MCF2L: variants seen among roughly 807,000 people sequenced by gnomAD.
MCF2L encodes the protein guanine nucleotide exchange factor DBS.
In MCF2L, 97 loss-of-function variants were observed where a neutral mutation model predicts 153.4. The observed-to-expected ratio is 0.63, with a 90% confidence interval of 0.54 to 0.75. MCF2L has a LOEUF of 0.75. Among genes scored for constraint, MCF2L ranks in the 30% least tolerant of loss-of-function variants. The pLI, the probability that MCF2L is intolerant of heterozygous loss-of-function variation, is 0.00. For synonymous variants in MCF2L, 659 were observed against 632.2 expected (o/e 1.04, Z -0.64); for missense variants, 1,347 against 1,495.2 (o/e 0.90, Z 1.64).
rs1472962805 is a variant in MCF2L at position 113,029,379 on chromosome 13, ATCT to A, written c.278+4627_278+4629del. Among the ~76,000 whole-genome samples the A allele has an allele frequency of 3.3e-5, 5 of 152,320 alleles. No individual in the cohort carries two copies. In the South Asian group the frequency reaches 1.0e-3, roughly 32 times the overall value. On this transcript the variant is annotated intron_variant, in intron 3 of 29. Transcript: ENST00000535094. ...AATTCTTGACACATTTCTAAGGGAA[ATCT>A]TCTTCCTAAGGGCATCTACGGGATG...
chr13:112,958,404 T>C (rs2140741798), intron 2 of MCF2L, among the ~76,000 whole-genome samples: 1 of 152,330 alleles, frequency 6.6e-6, no homozygotes, highest in East Asian at 1.9e-4. Flanking sequence ...AGGGATTGAA[T>C]GAGGCCCAGC....
intron 2 of MCF2L, among the ~76,000 whole-genome samples, chr13:112,923,707 A>T (rs568843884): frequency 6.6e-6 from 1 of 152,118 alleles, no homozygotes; most frequent in African/African-American, 2.4e-5. Context: ...ACTTCAACAC[A>T]CTCTTCTCTA....
At chr13:112,919,205 ATT>A (rs11431408) in intron 2 of MCF2L, among the ~76,000 whole-genome samples, 3 of 125,640 alleles carry the variant, frequency 2.4e-5, no homozygotes, top group Non-Finnish European at 3.2e-5. Context: ...AAGAATTTGC[ATT>A]TTTTTTTTTT....
intron 2 of MCF2L, among the ~76,000 whole-genome samples, chr13:112,935,176 C>T (rs1446888590): frequency 6.6e-6 from 1 of 152,182 alleles, no homozygotes; most frequent in East Asian, 1.9e-4. Context: ...AATGTACATT[C>T]ACTAGAAACC....
chr13:113,003,960 C>G (rs1358975922), intron 1 of MCF2L, among the ~76,000 whole-genome samples: 3 of 152,236 alleles, frequency 2.0e-5, no homozygotes, highest in Non-Finnish European at 2.9e-5. Flanking sequence ...GACTGAGACA[C>G]TTGGATTCCA....
At chr13:112,985,291 G>T in intron 1 of MCF2L, 2 of 416,038 alleles carry the variant, frequency 4.8e-6, no homozygotes. Context: ...GATTTTAGGG[G>T]ACAAAGTTCA....
At chr13:113,077,417 C>G (rs489829) in intron 13 of MCF2L, among the ~76,000 whole-genome samples, 94,552 of 152,158 alleles carry the variant, frequency 0.62, 29,810 homozygotes, top group East Asian at 0.66. Context: ...TTGTCAGGAC[C>G]CGGCCACGCC....
intron 2 of MCF2L, among the ~76,000 whole-genome samples, chr13:112,935,360 C>T (rs765630751): frequency 4.6e-5 from 7 of 152,116 alleles, no homozygotes; most frequent in East Asian, 1.9e-4. Context: ...CGGGTTCCAG[C>T]GATTCTCCTG....
At chr13:113,008,509 T>C (rs2141123500) in intron 1 of MCF2L, among the ~76,000 whole-genome samples, 1 of 152,312 alleles carries the variant, frequency 6.6e-6, no homozygotes, top group South Asian at 2.1e-4. Flanking sequence ...GCAAACTGTC[T>C]TTAAGACAGA....
At position 113,064,722 on chromosome 13, in the gene MCF2L, C is replaced by G; in HGVS notation, c.607-214C>G. On this transcript the variant is annotated intron_variant, in intron 6 of 29. Coordinates refer to ENST00000535094, the MANE Select transcript of MCF2L (RefSeq NM_001112732.3). This position sits in a 1 kb window ranked among gnomAD's most constrained non-coding sequence, Gnocchi z 6.0. Reference sequence around the variant, plus strand: ...AGAGGCAGCGCAGGCACAGGCGACTCTAGGTGACGGGCACACGTGTAGAGT... The same window carrying G: ...AGAGGCAGCGCAGGCACAGGCGACTGTAGGTGACGGGCACACGTGTAGAGT... 1 of 603,096 alleles carries G rather than the reference C, an allele frequency of 1.7e-6. No individual in the cohort carries two copies. The highest frequency in any genetic ancestry group is 2.1e-5 in the South Asian group (1 of 48,162). 37.4% of individuals were successfully genotyped at this position (603,096 alleles called of 1,614,324 possible).
At chr13:112,999,061 G>C (rs1342314522) in intron 1 of MCF2L, among the ~76,000 whole-genome samples, 1 of 152,178 alleles carries the variant, frequency 6.6e-6, no homozygotes, top group African/African-American at 2.4e-5. Context: ...CCTCTGATGG[G>C]CATTACTGTG....
chr13:112,971,683 A>G (rs1326294215), intron 1 of MCF2L, among the ~76,000 whole-genome samples: 1 of 152,198 alleles, frequency 6.6e-6, no homozygotes, highest in East Asian at 1.9e-4. Context: ...TGCTGTCCAT[A>G]TGGTCTGTGA....
intron 1 of MCF2L, among the ~76,000 whole-genome samples, chr13:112,996,451 G>GT (rs973689678): frequency 1.6e-4 from 25 of 152,370 alleles, no homozygotes; most frequent in Admixed American, 1.6e-3. Flanking sequence ...TGGGCTATGT[G>GT]TGCAGCGGGG....
intron 2 of MCF2L, among the ~76,000 whole-genome samples, chr13:113,016,167 A>G (rs541715858): frequency 3.9e-5 from 6 of 152,292 alleles, no homozygotes; most frequent in Non-Finnish European, 8.8e-5. Flanking sequence ...TTGCAGATGA[A>G]TTTAAGGCCC....
chr13:112,938,852 A>T (rs533317761), intron 2 of MCF2L, among the ~76,000 whole-genome samples: 1 of 151,794 alleles, frequency 6.6e-6, no homozygotes, highest in Non-Finnish European at 1.5e-5. Context: ...TTGGAGGGCA[A>T]CAGGGCCAGC....
rs945723056 is a variant in MCF2L at position 112,969,687 on chromosome 13, C to T, written c.79+229C>T. ...ACTGCACGTTGGTGACACTGGCTCT[C>T]TCAGGGTTGCTGGGTCTGCATGCGG... On this transcript the variant is annotated intron_variant, in intron 1 of 29. Transcript: ENST00000535094. The surrounding 1 kb of genome is among the most constrained non-coding windows in gnomAD (Gnocchi z 4.8). 8 of 294,590 alleles carry T rather than the reference C, an allele frequency of 2.7e-5. No individual in the cohort carries two copies. Among genetic ancestry groups the T allele is most frequent in the Middle Eastern group, 1.6e-3 (1 of 624 alleles). The allele number at this position is 294,590 out of a possible 1,614,324, so 18.2% of individuals were successfully genotyped here.
rs533184355 is a variant in MCF2L, at chr13:113,053,616, G to C, written c.370-6977G>C. On this transcript the variant is annotated intron_variant, in intron 4 of 29. Coordinates refer to ENST00000535094, the MANE Select transcript of MCF2L (RefSeq NM_001112732.3). This position sits in a 1 kb window ranked among gnomAD's most constrained non-coding sequence, Gnocchi z 4.4. ...TGTGTGGTGATGCTCAGGACGGGGC[G>C]AAGGTCCCGTGGCTGAGGTGTCCAC... is the stretch of plus-strand genomic sequence containing the variant. 6.6e-6 allele frequency among the ~76,000 whole-genome samples: 1 copy of C among 152,204 alleles called. No individual in the cohort carries two copies. Among genetic ancestry groups the C allele is most frequent in the Non-Finnish European group, 1.5e-5 (1 of 68,034 alleles).
chr13:112,894,706 G>A (rs1387625778), intron 1 of MCF2L, among the ~76,000 whole-genome samples: 2 of 152,102 alleles, frequency 1.3e-5, no homozygotes, highest in African/African-American at 2.4e-5. Context: ...GTGTCCAGGC[G>A]CCCAGGGCCC....
At chr13:112,915,608 C>A (rs1594318875) in intron 2 of MCF2L, among the ~76,000 whole-genome samples, 1 of 152,048 alleles carries the variant, frequency 6.6e-6, no homozygotes, top group South Asian at 2.1e-4. Flanking sequence ...TTGGTAAGAG[C>A]TTCCTGGACA....
Sources: allele counts gnomAD v4.1 joint callset (sites outside exome capture counted in the v4.1 genomes callset), GRCh38; gene constraint gnomAD v4.1.1; non-coding constraint Gnocchi (gnomAD v3.1); transcripts MANE v1.5; gene names NCBI Gene and HGNC (gene_info 2026-07-23, HGNC 2026-07-21).